Variants in TGDS observed in about 807,000 individuals in gnomAD.
TGDS encodes TDP-glucose 4,6-dehydratase.
A neutral mutation model predicts 52.3 loss-of-function variants in TGDS; 47 were observed. The observed-to-expected ratio is 0.90, with a 90% CI of 0.71 to 1.15. The LOEUF is 1.15. TGDS is among the 50% of genes most tolerant of loss of function. The probability of loss-of-function intolerance (pLI) is 0.00; values close to 1 mark genes in which losing one functional copy is unlikely to be tolerated. For missense variants in TGDS, 375 were observed against 418.4 expected (o/e 0.90, Z 0.90); for synonymous variants, 115 against 136.9 (o/e 0.84, Z 1.12).
At position 94,578,039 on chromosome 13, in the gene TGDS, G is replaced by C. The variant is rs747879381; in HGVS notation, c.791C>G (p.Ser264Ter). The change falls in exon 9 of 12, where the codon TCA becomes TGA. Residue 264 changes from serine (S) to a stop codon, truncating the protein, a stop_gained. Coordinates refer to ENST00000261296, the MANE Select transcript of TGDS (RefSeq NM_014305.4). LOFTEE classifies it high-confidence loss of function. ...TAGTTCTTTGGCAAGCTGGACAACTGACATTTCAAAATTGGTTCCGATGTT... is the reference window on the plus strand; with the variant it reads ...TAGTTCTTTGGCAAGCTGGACAACTCACATTTCAAAATTGGTTCCGATGTT... ...IYNIGTNFEMSVVQLAKELIQ... is the reference protein window; with the variant it reads ...IYNIGTNFEM 4 of 1,613,624 alleles carry C rather than the reference G, an allele frequency of 2.5e-6. No homozygotes were observed. The highest frequency in any genetic ancestry group is 3.3e-5 in the Admixed American group (2 of 60,000).
At chr13:94,575,489 T>C (rs1888572255) in intron 11 of TGDS, among the ~76,000 whole-genome samples, 1 of 151,940 alleles carries the variant, frequency 6.6e-6, no homozygotes, top group East Asian at 1.9e-4. Flanking sequence ...AGGGTCTCGC[T>C]ATATTTCCCA....
chr13:94,583,549 A>G (rs2139526016), intron 4 of TGDS, among the ~76,000 whole-genome samples: 1 of 152,314 alleles, frequency 6.6e-6, no homozygotes, highest in African/African-American at 2.4e-5. Context: ...AAAATTATGA[A>G]TTACAGGGAT....
At chr13:94,587,594 T>A (rs1008727291) in intron 4 of TGDS, among the ~76,000 whole-genome samples, 2 of 152,178 alleles carry the variant, frequency 1.3e-5, no homozygotes, top group African/African-American at 4.8e-5. Flanking sequence ...TTGAGTCAAA[T>A]TGATATGGGT....
chr13:94,586,038 A>G (rs1474826943), intron 4 of TGDS, among the ~76,000 whole-genome samples: 1 of 152,210 alleles, frequency 6.6e-6, no homozygotes. Flanking sequence ...CCTTAAAAAA[A>G]GCAAGCAAGC....
At chr13:94,593,795 T>C (rs746296573) in intron 2 of TGDS, 46 bp downstream of exon 2, 1 of 1,256,264 alleles carries the variant, frequency 8.0e-7, no homozygotes, top group Non-Finnish European at 1.1e-6. Context: ...AAAACATAAA[T>C]TGAAATGTAA....
intron 7 of TGDS, chr13:94,579,324 G>C (rs1283294908): frequency 6.6e-6 from 1 of 152,428 alleles, no homozygotes; most frequent in African/African-American, 2.4e-5. Context: ...ATAAAATCAG[G>C]CTTGATGATA....
chr13:94,587,001 G>A (rs1327871846), intron 4 of TGDS, among the ~76,000 whole-genome samples: 1 of 152,064 alleles, frequency 6.6e-6, no homozygotes, highest in Non-Finnish European at 1.5e-5. Context: ...CTGGGCTCAA[G>A]TGATTCGCCT....
chr13:94,596,250 C>A, upstream of TGDS: 1 of 1,174,262 alleles, frequency 8.5e-7, no homozygotes, highest in Non-Finnish European at 1.2e-6. Context: ...AACAGAGCAG[C>A]CAGAGGCAGC....
Position 94,576,295 on chromosome 13 carries a change from T to C in TGDS, c.982+19A>G. On this transcript the variant is annotated intron_variant, in intron 11 of 11. Coordinates refer to ENST00000261296, the MANE Select transcript of TGDS (RefSeq NM_014305.4). ...AAATTTTTCTGACTTGCCCCCAAAATGATTAATTCAAAACATACTTGTTTT... is the reference window on the plus strand; with the variant it reads ...AAATTTTTCTGACTTGCCCCCAAAACGATTAATTCAAAACATACTTGTTTT... 1 of 1,537,976 alleles carries C rather than the reference T, an allele frequency of 6.5e-7. No homozygotes were observed. Among genetic ancestry groups the C allele is most frequent in the South Asian group, 1.2e-5 (1 of 80,950 alleles).
chr13:94,592,796 A>G (rs1413905881), intron 2 of TGDS, among the ~76,000 whole-genome samples: 1 of 152,162 alleles, frequency 6.6e-6, no homozygotes, highest in Non-Finnish European at 1.5e-5. Context: ...AAAACAAGTA[A>G]TTGTTACCTT....
chr13:94,577,276 G>T, intron 10 of TGDS, 95 bp downstream of exon 10: 1 of 936,428 alleles, frequency 1.1e-6, no homozygotes, highest in Non-Finnish European at 1.5e-6. Context: ...ATTCAAAACA[G>T]ATAAACTAGT....
rs138016599 is a variant in TGDS, at chr13:94,594,697, C to T, written c.87-790G>A. Among the ~76,000 whole-genome samples the T allele has an allele frequency of 6.0e-3, 910 of 152,256 alleles. 4 individuals carry two copies. The highest frequency in any genetic ancestry group is 0.02 in the Middle Eastern group (6 of 294). On this transcript the variant is annotated intron_variant, in intron 1 of 11. Coordinates refer to ENST00000261296, the MANE Select transcript of TGDS (RefSeq NM_014305.4). The stretch of plus-strand genomic sequence containing the variant: ...ACCCGCACTCTCACACAAGTATCAC[C>T]CTTTCATGTCCATAGTCCTCTTTCT...
At chr13:94,575,016 A>G (rs1328666178) in intron 11 of TGDS, among the ~76,000 whole-genome samples, 164 bp from the exon 12 acceptor site, 1 of 152,140 alleles carries the variant, frequency 6.6e-6, no homozygotes, top group African/African-American at 2.4e-5. Context: ...TGAACTTAAC[A>G]ATGAAGTCAA....
intron 4 of TGDS, among the ~76,000 whole-genome samples, chr13:94,588,890 A>C (rs570392248): frequency 6.6e-6 from 1 of 152,348 alleles, no homozygotes; most frequent in Non-Finnish European, 1.5e-5. Context: ...GGAGGGCAGA[A>C]ACTGGTGAAC....
intron 4 of TGDS, among the ~76,000 whole-genome samples, chr13:94,583,485 A>C (rs1262739196): frequency 1.3e-5 from 2 of 152,216 alleles, no homozygotes; most frequent in Non-Finnish European, 2.9e-5. Context: ...TTATTCTATA[A>C]GGAAGAAAAT....
At chr13:94,590,813 A>G in intron 4 of TGDS, 40 bp downstream of exon 4, 1 of 1,474,126 alleles carries the variant, frequency 6.8e-7, no homozygotes, top group South Asian at 1.3e-5. Flanking sequence ...GGGCGGGGAG[A>G]GAACTGCCAA....
At chr13:94,581,001 T>C in intron 6 of TGDS, 90 bp downstream of exon 6, 1 of 767,734 alleles carries the variant, frequency 1.3e-6, no homozygotes, top group South Asian at 2.9e-5. Flanking sequence ...TAAAAATATT[T>C]TGAAAAAAAG....
At chr13:94,596,005 G>C (rs776582106) in intron 1 of TGDS, 46 bp downstream of exon 1, 26 of 1,608,882 alleles carry the variant, frequency 1.6e-5, no homozygotes, top group Non-Finnish European at 2.2e-5. Context: ...GGAAAAGGTA[G>C]GGGTTTCTGG....
chr13:94,588,203 C>T (rs549775762), intron 4 of TGDS, among the ~76,000 whole-genome samples: 7 of 151,316 alleles, frequency 4.6e-5, no homozygotes, highest in African/African-American at 1.2e-4. Flanking sequence ...GAGGGTGGCT[C>T]GTCTGAGGTT....
Sources: allele counts gnomAD v4.1 joint callset (sites outside exome capture counted in the v4.1 genomes callset), GRCh38; gene constraint gnomAD v4.1.1; transcripts MANE v1.5; gene names NCBI Gene and HGNC (gene_info 2026-07-23, HGNC 2026-07-21).